The following ST8SIA5 variants were observed in gnomAD, a reference collection of about 807,000 sequenced individuals.
ST8SIA5 encodes the protein ST8 alpha-N-acetyl-neuraminide alpha-2,8-sialyltransferase 5.
ST8SIA5 carries 24 observed loss-of-function variants against 40.2 expected under a neutral mutation model. That is an observed-to-expected ratio of 0.60 (90% CI 0.43 to 0.84). The LOEUF is 0.84. ST8SIA5 is among the 40% of genes least tolerant of loss of function. ST8SIA5 has a pLI of 0.00. For missense variants in ST8SIA5, 465 were observed against 498.5 expected (o/e 0.93, Z 0.64); for synonymous variants, 198 against 201.8 (o/e 0.98, Z 0.16).
At chr18:46,738,105 C>A (rs1305363103) in intron 1 of ST8SIA5, among the ~76,000 whole-genome samples, 1 of 152,010 alleles carries the variant, frequency 6.6e-6, no homozygotes, top group Admixed American at 6.6e-5. Context: ...AATCCTTCAC[C>A]TGTGGGGAGG....
At chr18:46,747,116 C>T (rs1034009382) in intron 1 of ST8SIA5, among the ~76,000 whole-genome samples, 3 of 152,122 alleles carry the variant, frequency 2.0e-5, no homozygotes, top group African/African-American at 7.2e-5. Context: ...CCATAAAACC[C>T]CTAGAAGAAA....
At chr18:46,736,148 C>T (rs4574016) in intron 1 of ST8SIA5, among the ~76,000 whole-genome samples, 121,250 of 152,118 alleles carry the variant, frequency 0.8, 48,506 homozygotes, top group East Asian at 0.85. Context: ...TAAGGAGATA[C>T]GTCACATCCC....
intron 1 of ST8SIA5, among the ~76,000 whole-genome samples, chr18:46,739,903 G>C (rs1049447394): frequency 6.6e-6 from 1 of 152,084 alleles, no homozygotes; most frequent in African/African-American, 2.4e-5. Flanking sequence ...CCCCAACTCT[G>C]GGCAAGTATG....
Position 46,756,431 on chromosome 18 carries a change from A to T in ST8SIA5, c.78T>A (p.Phe26Leu). 1 of 1,613,244 alleles carries T rather than the reference A, an allele frequency of 6.2e-7. No individual in the cohort carries two copies. Among genetic ancestry groups the T allele is most frequent in the Non-Finnish European group, 8.5e-7 (1 of 1,179,372 alleles). The change falls in exon 1 of 7, where the codon TTT becomes TTA. Residue 26 changes from phenylalanine to leucine, a missense_variant. Coordinates refer to ENST00000315087, the MANE Select transcript of ST8SIA5 (RefSeq NM_013305.6). ...TCTGTTGCAGCAAGGTCACCAAGGC[A>T]AAGGCGCAGATGAAGATGAAGAGCA... ...RTLLFIFICA[F>L]ALVTLLQQIL...
intron 1 of ST8SIA5, among the ~76,000 whole-genome samples, chr18:46,710,664 T>C (rs2039723149): frequency 6.8e-6 from 1 of 148,072 alleles, no homozygotes; most frequent in Non-Finnish European, 1.5e-5. Flanking sequence ...AAGAGGCTCC[T>C]TTCAGCATGC....
Position 46,679,987 on chromosome 18 carries a change from A to T in ST8SIA5, c.*55T>A. 6.5e-7 allele frequency: 1 copy of T among 1,528,810 alleles called. No individual in the cohort carries two copies. Among genetic ancestry groups the T allele is most frequent in the Middle Eastern group, 2.1e-4 (1 of 4,784 alleles). 94.7% of individuals were successfully genotyped at this position (1,528,810 alleles called of 1,614,324 possible). On this transcript the variant is annotated 3_prime_UTR_variant, in exon 7 of 7. Transcript: ENST00000315087. ...CCGGTTCGGGGCTCCCAGTTCCACC[A>T]GGAGGGACAGCAGGAGAGGGGGCGC... is the stretch of plus-strand genomic sequence containing the variant.
intron 1 of ST8SIA5, among the ~76,000 whole-genome samples, chr18:46,710,384 TTTCTTTC>T (rs2039714053): frequency 7.3e-6 from 1 of 136,242 alleles, no homozygotes; most frequent in Non-Finnish European, 1.5e-5. Context: ...TCTTTCTTTC[TTTCTTTC>T]TTTCTTTCTT....
intron 1 of ST8SIA5, among the ~76,000 whole-genome samples, chr18:46,755,773 A>G (rs996893054): frequency 6.6e-6 from 1 of 152,070 alleles, no homozygotes; most frequent in Non-Finnish European, 1.5e-5. Context: ...AAAAAAAGCC[A>G]TCTGTTTCAG....
At chr18:46,748,995 C>G (rs1599156564) in intron 1 of ST8SIA5, among the ~76,000 whole-genome samples, 1 of 152,174 alleles carries the variant, frequency 6.6e-6, no homozygotes, top group African/African-American at 2.4e-5. Flanking sequence ...AGAATGCAGT[C>G]TATCCATACA....
At chr18:46,703,735 A>G (rs2039641334) in intron 2 of ST8SIA5, among the ~76,000 whole-genome samples, 1 of 152,186 alleles carries the variant, frequency 6.6e-6, no homozygotes, top group Non-Finnish European at 1.5e-5. Flanking sequence ...TGAATAAACT[A>G]TATTTTTTCC....
At chr18:46,754,474 G>C (rs1436639308) in intron 1 of ST8SIA5, among the ~76,000 whole-genome samples, 1 of 152,174 alleles carries the variant, frequency 6.6e-6, no homozygotes, top group Non-Finnish European at 1.5e-5. Flanking sequence ...AGTCCTCTGA[G>C]TACCAAGACC....
rs561717285 is a variant in ST8SIA5 at position 46,676,185 on chromosome 18, G to C, written c.*3857C>G. 42 of 152,282 alleles carry C rather than the reference G, an allele frequency of 2.8e-4. No homozygotes were observed. In the East Asian group the frequency reaches 7.3e-3, roughly 27 times the overall value. The allele number at this position is 152,282 out of a possible 1,614,324, so 9.4% of individuals were successfully genotyped here. ...TTATGCTGCCAACCTTCAGAATTCG[G>C]AATTGACTTTGGTCATCCCCTCCTC... is the stretch of plus-strand genomic sequence containing the variant. On this transcript the variant is annotated 3_prime_UTR_variant, in exon 7 of 7. Transcript: ENST00000315087.
At chr18:46,704,721 G>T (rs1197330579) in intron 1 of ST8SIA5, 57 bp from the exon 2 acceptor site, 14 of 1,421,236 alleles carry the variant, frequency 9.9e-6, no homozygotes, top group African/African-American at 2.8e-5. Flanking sequence ...TCCAGGGCCT[G>T]CAGGGGCTCT....
chr18:46,756,251 CG>C, intron 1 of ST8SIA5, 126 bp downstream of exon 1: 1 of 1,348,616 alleles, frequency 7.4e-7, no homozygotes, highest in Non-Finnish European at 9.9e-7. Flanking sequence ...CGGCCATGCT[CG>C]GGGCTAGGAG....
intron 1 of ST8SIA5, among the ~76,000 whole-genome samples, chr18:46,714,843 G>A (rs2039770632): frequency 6.6e-6 from 1 of 152,192 alleles, no homozygotes; most frequent in Non-Finnish European, 1.5e-5. Context: ...AAGTAATTGA[G>A]GCACAGAAAG....
chr18:46,745,489 C>T (rs570139868), intron 1 of ST8SIA5, among the ~76,000 whole-genome samples: 192 of 152,262 alleles, frequency 1.3e-3, no homozygotes, highest in Middle Eastern at 3.4e-3. Context: ...AATTCCTGGA[C>T]GCATACACCC....
Position 46,679,800 on chromosome 18 carries a change from G to A in ST8SIA5, c.*242C>T, listed in dbSNP as rs1599094266. 11 of 550,220 alleles carry A rather than the reference G, an allele frequency of 2.0e-5. No homozygotes were observed. The East Asian group carries it at 3.4e-4, about 17-fold the overall frequency. The allele number at this position is 550,220 out of a possible 1,614,324, so 34.1% of individuals were successfully genotyped here. On this transcript the variant is annotated 3_prime_UTR_variant, in exon 7 of 7. Coordinates refer to ENST00000315087, the MANE Select transcript of ST8SIA5 (RefSeq NM_013305.6). Reference sequence around the variant, plus strand: ...GCCCAGCAGCATGCTAGCCAGGGCAGGTGGACGCACTGGGCGGATGCACCG... The same window carrying A: ...GCCCAGCAGCATGCTAGCCAGGGCAAGTGGACGCACTGGGCGGATGCACCG...
intron 2 of ST8SIA5, among the ~76,000 whole-genome samples, chr18:46,696,577 T>C (rs2083167889): frequency 6.6e-6 from 1 of 152,218 alleles, no homozygotes; most frequent in African/African-American, 2.4e-5. Flanking sequence ...TCATTTAATC[T>C]CTCTGAGACT....
chr18:46,687,477 A>G (rs1240871603), intron 4 of ST8SIA5, among the ~76,000 whole-genome samples: 1 of 152,102 alleles, frequency 6.6e-6, no homozygotes, highest in Non-Finnish European at 1.5e-5. Context: ...TGTATGTCAT[A>G]CTAAGTTGTG....
Sources: gnomAD v4.1 joint callset for allele counts (sites outside exome capture counted in the v4.1 genomes callset) on GRCh38, gnomAD v4.1.1 for gene constraint, MANE v1.5 for transcripts, NCBI Gene and HGNC (gene_info 2026-07-23, HGNC 2026-07-21) for gene names.